KSR2: variants seen among roughly 807,000 people sequenced by gnomAD.
KSR2 encodes kinase suppressor of ras 2.
KSR2 carries 25 observed loss-of-function variants against 107.8 expected under a neutral mutation model. That is an observed-to-expected ratio of 0.23 (90% CI 0.17 to 0.32). The LOEUF is 0.32. Ranked by LOEUF, KSR2 falls within the 10% of genes least tolerant of loss-of-function variation. The pLI is 1.00. For missense variants in KSR2, 887 were observed against 1,268.9 expected (o/e 0.70, Z 4.57); for synonymous variants, 480 against 507.0 (o/e 0.95, Z 0.71).
intron 14 of KSR2, among the ~76,000 whole-genome samples, chr12:117,510,767 A>C (rs1189905981): frequency 2.0e-5 from 3 of 151,518 alleles, no homozygotes; most frequent in Admixed American, 6.6e-5. Context: ...GGTCCCAACT[A>C]CTCGGGAGGC....
chr12:117,743,547 C>T (rs187545847), intron 4 of KSR2, among the ~76,000 whole-genome samples: 33 of 152,334 alleles, frequency 2.2e-4, no homozygotes, highest in African/African-American at 7.9e-4. Context: ...CGCACACACC[C>T]ACATGTATAC....
intron 4 of KSR2, among the ~76,000 whole-genome samples, chr12:117,701,881 T>C (rs1472465411): frequency 6.6e-6 from 1 of 152,196 alleles, no homozygotes; most frequent in Non-Finnish European, 1.5e-5. Context: ...ATGGACCTGC[T>C]AACACCTTGC....
At chr12:117,639,444 C>T (rs1883255668) in intron 5 of KSR2, among the ~76,000 whole-genome samples, 1 of 151,212 alleles carries the variant, frequency 6.6e-6, no homozygotes, top group Admixed American at 6.6e-5. Context: ...ATTCTCGTGC[C>T]TCAGCCTCCT....
chr12:117,812,304 T>C (rs1891215899), intron 3 of KSR2, among the ~76,000 whole-genome samples: 1 of 152,218 alleles, frequency 6.6e-6, no homozygotes, highest in Non-Finnish European at 1.5e-5. Context: ...ATTGATGACA[T>C]GTTGCAATGA....
chr12:117,659,605 G>T (rs940682873), intron 5 of KSR2, among the ~76,000 whole-genome samples: 7 of 152,164 alleles, frequency 4.6e-5, no homozygotes, highest in African/African-American at 1.7e-4. Context: ...AGAGCCATTG[G>T]TTGGCATCAG....
intron 5 of KSR2, among the ~76,000 whole-genome samples, chr12:117,590,938 A>G (rs1880277867): frequency 6.6e-6 from 1 of 152,222 alleles, no homozygotes; most frequent in Non-Finnish European, 1.5e-5. Flanking sequence ...CCCTTCTGCC[A>G]CTTACATGGT....
In KSR2 at chr12:117,466,862, C is replaced by T. The variant is rs527991327; in HGVS notation, c.*337G>A. ...ATAGCCCCGTCTGTGAGCCCCCCCA[C>T]GTGGGGTCTCCTGTCCTAGTCCCAT... On this transcript the variant is annotated 3_prime_UTR_variant, in exon 20 of 20. Transcript: ENST00000339824. 148 of 307,182 alleles carry T rather than the reference C, an allele frequency of 4.8e-4. No individual in the cohort carries two copies. The highest frequency in any genetic ancestry group is 5.0e-4 in the Admixed American group (10 of 19,812). 19.0% of individuals were successfully genotyped at this position (307,182 alleles called of 1,614,324 possible).
intron 1 of KSR2, among the ~76,000 whole-genome samples, chr12:117,958,718 G>A (rs1389944673): frequency 1.3e-5 from 2 of 152,170 alleles, no homozygotes; most frequent in Non-Finnish European, 2.9e-5. Flanking sequence ...CTACTCGGGA[G>A]GCTGAGGCGC....
intron 5 of KSR2, among the ~76,000 whole-genome samples, chr12:117,652,181 G>GA (rs1404529454): frequency 6.6e-6 from 1 of 152,112 alleles, no homozygotes; most frequent in African/African-American, 2.4e-5. Context: ...GGGGGCGAGG[G>GA]ATGAAAAGAC....
chr12:117,962,586 A>T (rs1434807571), intron 1 of KSR2, among the ~76,000 whole-genome samples: 1 of 151,674 alleles, frequency 6.6e-6, no homozygotes, highest in Non-Finnish European at 1.5e-5. Flanking sequence ...TTGGGATTAC[A>T]GGTACCCGCT....
At chr12:117,851,559 A>G (rs561292417) in intron 3 of KSR2, among the ~76,000 whole-genome samples, 2 of 151,974 alleles carry the variant, frequency 1.3e-5, no homozygotes, top group African/African-American at 4.8e-5. Flanking sequence ...CTGTACTCCA[A>G]CCTGGGTGAC....
At chr12:117,836,937 C>T (rs1053937293) in intron 3 of KSR2, among the ~76,000 whole-genome samples, 2 of 152,220 alleles carry the variant, frequency 1.3e-5, no homozygotes, top group Non-Finnish European at 2.9e-5. Flanking sequence ...TCTGTCGCTT[C>T]GGAGCTCCCT....
chr12:117,857,960 C>T (rs1893154609), intron 2 of KSR2, among the ~76,000 whole-genome samples: 1 of 152,192 alleles, frequency 6.6e-6, no homozygotes, highest in Non-Finnish European at 1.5e-5. Flanking sequence ...TGCTCAGTGA[C>T]TAAGGCAAGA....
intron 5 of KSR2, among the ~76,000 whole-genome samples, chr12:117,636,108 T>C (rs567611319): frequency 1.3e-5 from 2 of 152,266 alleles, no homozygotes; most frequent in East Asian, 1.9e-4. Context: ...TTACTACTTT[T>C]AAATGCTAGA....
chr12:117,741,357 A>AC (rs1206120557), intron 4 of KSR2, among the ~76,000 whole-genome samples: 1 of 143,606 alleles, frequency 7.0e-6, no homozygotes, highest in Non-Finnish European at 1.5e-5. Context: ...TCTGTACAAA[A>AC]AAAAAAAAAA....
chr12:117,861,512 C>T (rs1351742610), intron 1 of KSR2, among the ~76,000 whole-genome samples: 4 of 151,086 alleles, frequency 2.6e-5, no homozygotes, highest in Non-Finnish European at 5.9e-5. Flanking sequence ...CCTCAGCCTC[C>T]CGAGTAGCTG....
chr12:117,851,813 T>A (rs1256315791), intron 3 of KSR2, among the ~76,000 whole-genome samples: 1 of 151,140 alleles, frequency 6.6e-6, no homozygotes, highest in Non-Finnish European at 1.5e-5. Context: ...ATCACTTGAA[T>A]CCAGGAAGTG....
At chr12:117,941,849 G>A (rs976244125) in intron 1 of KSR2, among the ~76,000 whole-genome samples, 2 of 145,774 alleles carry the variant, frequency 1.4e-5, no homozygotes, top group African/African-American at 5.1e-5. Flanking sequence ...CACCACGCTG[G>A]CCAGGCTGTT....
chr12:117,888,662 G>A (rs1894249012), intron 1 of KSR2, among the ~76,000 whole-genome samples: 1 of 152,180 alleles, frequency 6.6e-6, no homozygotes, highest in Admixed American at 6.5e-5. Context: ...CAAGAATAGA[G>A]CCCTCACCAG....
Sources: gnomAD v4.1 joint callset for allele counts (sites outside exome capture counted in the v4.1 genomes callset) on GRCh38, gnomAD v4.1.1 for gene constraint, MANE v1.5 for transcripts, NCBI Gene and HGNC (gene_info 2026-07-23, HGNC 2026-07-21) for gene names.